Variants in ELP1 observed in about 807,000 individuals in gnomAD.
The protein encoded by ELP1 is elongator acetyltransferase complex subunit 1.
A neutral mutation model predicts 183.2 loss-of-function variants in ELP1; 131 were observed. The ratio of observed to expected loss-of-function variants is 0.72; its 90% CI spans 0.62 to 0.83. The LOEUF is 0.83. ELP1 is among the 40% of genes least tolerant of loss of function. The pLI is 0.00. For missense variants in ELP1, 1,550 were observed against 1,594.9 expected, an observed-to-expected ratio of 0.97 and a Z score of 0.48; for synonymous variants, 555 against 569.0, an observed-to-expected ratio of 0.98 and a Z score of 0.35.
intron 15 of ELP1, among the ~76,000 whole-genome samples, chr9:108,903,160 G>A (rs969777168): frequency 1.3e-5 from 2 of 152,070 alleles, no homozygotes; most frequent in African/African-American, 2.4e-5. Flanking sequence ...CATGTGCCAT[G>A]TTGGTGTGCT....
At chr9:108,887,740 C>T (rs138476243) in intron 29 of ELP1, among the ~76,000 whole-genome samples, 79 of 152,208 alleles carry the variant, frequency 5.2e-4, no homozygotes, top group African/African-American at 1.8e-3. Flanking sequence ...TTTTAAGCTG[C>T]CAGCTTTTAA....
In ELP1 at chr9:108,898,574, A is replaced by C. The variant is rs1402894235; in HGVS notation, c.2291T>G (p.Leu764Arg). Residue 764 changes from leucine (L) to arginine (R), a missense_variant, in exon 22 of 37, where the codon CTT becomes CGT. Transcript: ENST00000374647. Reference sequence around the variant, plus strand: ...TTTAATGAAGGTTTCCACATTTCCAAGAAACACCTACCAAAAAAAGGACAA... The same window carrying C: ...TTTAATGAAGGTTTCCACATTTCCACGAAACACCTACCAAAAAAAGGACAA... Reference protein sequence around the residue: ...LIYDHNPKVFLGNVETFIKQI... With the variant: ...LIYDHNPKVFRGNVETFIKQI... 1 of 1,608,108 alleles carries C rather than the reference A, an allele frequency of 6.2e-7. No individual in the cohort carries two copies. The highest frequency in any genetic ancestry group is 1.3e-5 in the African/African-American group (1 of 74,814).
chr9:108,893,872 T>G (rs1828436962), intron 26 of ELP1, 71 bp downstream of exon 26: 1 of 1,518,336 alleles, frequency 6.6e-7, no homozygotes, highest in Non-Finnish European at 9.1e-7. Context: ...AAACTAACAG[T>G]TTAATTTATA....
chr9:108,923,748 G>A (rs571101809), intron 5 of ELP1, among the ~76,000 whole-genome samples: 2 of 152,240 alleles, frequency 1.3e-5, no homozygotes, highest in South Asian at 2.1e-4. Context: ...GGCTGACTGG[G>A]GTTCTTTCTA....
chr9:108,901,579 C>T (rs116892201), intron 17 of ELP1, 49 bp from the exon 18 acceptor site: 17 of 1,609,238 alleles, frequency 1.1e-5, no homozygotes, highest in Admixed American at 3.3e-5. Flanking sequence ...CTAGATTACT[C>T]GGAGCTAACA....
chr9:108,897,098 C>T (rs914055062), intron 23 of ELP1, 50 bp downstream of exon 23: 4 of 1,613,942 alleles, frequency 2.5e-6, no homozygotes, highest in Non-Finnish European at 3.4e-6. Context: ...ACAAGGACAA[C>T]TACACACTTC....
At chr9:108,903,045 C>G in intron 15 of ELP1, 103 bp from the exon 16 acceptor site, 1 of 745,064 alleles carries the variant, frequency 1.3e-6, no homozygotes, top group Non-Finnish European at 2.4e-6. Context: ...ATTTCAATCA[C>G]TTTTTTTCTC....
chr9:108,908,975 A>C (rs1205274895), intron 12 of ELP1, among the ~76,000 whole-genome samples: 2 of 152,014 alleles, frequency 1.3e-5, no homozygotes, highest in African/African-American at 2.4e-5. Context: ...CACAACAGGC[A>C]CTTCGGTGGT....
rs758948098 is a variant in ELP1, at chr9:108,929,882, G to C, written c.190C>G (p.Pro64Ala). 63 of 1,613,680 alleles carry C rather than the reference G, an allele frequency of 3.9e-5. No individual in the cohort carries two copies. Among genetic ancestry groups the C allele is most frequent in the Non-Finnish European group, 1.7e-6 (2 of 1,180,026 alleles). Residue 64 changes from proline (P) to alanine (A), a missense_variant, in exon 3 of 37, where the codon CCA (proline) becomes GCA (alanine). Transcript: ENST00000374647. ...ACAATGCGGCCACTTCCATCCTCTG[G>C]GAGAAAGCCTTCTGCCACCAAAGAA... is the stretch of plus-strand genomic sequence containing the variant. ...EVSLVAEGFLPEDGSGRIVGV... is the reference protein window; with the variant it reads ...EVSLVAEGFLAEDGSGRIVGV...
chr9:108,898,793 C>T (rs762660701), intron 20 of ELP1, 44 bp from the exon 21 acceptor site: 1 of 1,380,770 alleles, frequency 7.2e-7, no homozygotes, highest in South Asian at 1.2e-5. Flanking sequence ...TTCACAAAAA[C>T]TGAGCTCCAT....
intron 35 of ELP1, among the ~76,000 whole-genome samples, chr9:108,876,203 G>A (rs545705433): frequency 1.8e-3 from 270 of 152,202 alleles, no homozygotes; most frequent in Non-Finnish European, 3.0e-3. Context: ...CTGAGCCCGG[G>A]GCGGTGGATG....
At position 108,889,437 on chromosome 9, in the gene ELP1, T is replaced by C. The variant is rs535283795; in HGVS notation, c.3161-44A>G. 85 of 1,550,554 alleles carry C rather than the reference T, an allele frequency of 5.5e-5. No homozygotes were observed. The South Asian group carries it at 8.8e-4, about 16-fold the overall frequency. ...GCAGTTGACTACAAAGTTAAACAGA[T>C]ACTTTAGCTCAAGTGCTTCTTTAAT... On this transcript the variant is annotated intron_variant, in intron 28 of 36. Transcript: ENST00000374647.
At chr9:108,900,836 A>AGATAGGG (rs1828762727) in intron 18 of ELP1, among the ~76,000 whole-genome samples, 1 of 83,672 alleles carries the variant, frequency 1.2e-5, no homozygotes, top group African/African-American at 5.0e-5. Context: ...ACACACACAT[A>AGATAGGG]CACGCCACAC....
intron 30 of ELP1, 41 bp from the exon 31 acceptor site, chr9:108,881,806 T>C (rs1468585548): frequency 3.5e-6 from 4 of 1,151,810 alleles, no homozygotes; most frequent in East Asian, 2.3e-5. Context: ...GGAAAACTTC[T>C]AGTCACTGGA....
In ELP1 at chr9:108,932,001, T is replaced by C. The variant is rs1361603406; in HGVS notation, c.-55-800A>G. 2.0e-5 allele frequency among the ~76,000 whole-genome samples: 3 copies of C among 152,240 alleles called. No homozygotes were observed. In the East Asian group the frequency reaches 5.8e-4, roughly 29 times the overall value. ...AATGTTACTGTGCTAGTTATTTATA[T>C]TCAGATCCCTTTAAGGCTTATGATT... On this transcript the variant is annotated intron_variant, in intron 1 of 36. Coordinates refer to ENST00000374647, the MANE Select transcript of ELP1 (RefSeq NM_003640.5).
At position 108,929,798 on chromosome 9, in the gene ELP1, C is replaced by A; in HGVS notation, c.274G>T (p.Val92Phe). 1.2e-6 allele frequency: 2 copies of A among 1,613,952 alleles called. No homozygotes were observed. Among genetic ancestry groups the A allele is most frequent in the Non-Finnish European group, 1.7e-6 (2 of 1,180,016 alleles). Residue 92 changes from valine to phenylalanine, a missense_variant, in exon 3 of 37, where the codon GTC (valine) becomes TTC (phenylalanine). By Grantham distance (50) the Val-to-Phe change is conservative. Coordinates refer to ENST00000374647, the MANE Select transcript of ELP1 (RefSeq NM_003640.5). ...SVCVATASGD[V>F]ILCSLSTQQL... Reference sequence around the variant, plus strand: ...TGTGTGCTGAGACTGCAGAGTATGACGTCTCCAGAGGCTGTGGCCACACAC... The same window carrying A: ...TGTGTGCTGAGACTGCAGAGTATGAAGTCTCCAGAGGCTGTGGCCACACAC...
chr9:108,894,014 T>C lies in ELP1; in HGVS notation c.2789A>G (p.Asn930Ser). ...FLNTLKKMETNYQRFTIDKYL... is the reference protein window; with the variant it reads ...FLNTLKKMETSYQRFTIDKYL... The stretch of plus-strand genomic sequence containing the variant: ...TTTGTCTATAGTAAACCGCTGATAA[T>C]TAGTTTCCATTTTCTTAAGTGTATT... The change falls in exon 26 of 37, where the codon AAT becomes AGT. Residue 930 changes from asparagine (N) to serine (S), a missense_variant. Asn to Ser is a conservative substitution (Grantham distance 46). Transcript: ENST00000374647. The C allele has an allele frequency of 6.3e-7, 1 of 1,591,192 alleles. No homozygotes were observed. The highest frequency in any genetic ancestry group is 1.3e-5 in the African/African-American group (1 of 74,572).
chr9:108,890,677 T>C (rs1349097472), intron 28 of ELP1, among the ~76,000 whole-genome samples: 1 of 152,202 alleles, frequency 6.6e-6, no homozygotes, highest in Non-Finnish European at 1.5e-5. Flanking sequence ...TGGCCTTTTA[T>C]TTTCCCCACC....
chr9:108,881,365 T>G (rs1827924229), intron 31 of ELP1, among the ~76,000 whole-genome samples: 1 of 152,232 alleles, frequency 6.6e-6, no homozygotes, highest in African/African-American at 2.4e-5. Context: ...TAATAGGATA[T>G]TATCTTATAT....
Sources: allele counts gnomAD v4.1 joint callset (sites outside exome capture counted in the v4.1 genomes callset), GRCh38; gene constraint gnomAD v4.1.1; transcripts MANE v1.5; gene names NCBI Gene and HGNC (gene_info 2026-07-23, HGNC 2026-07-21).